The following ASIC2 variants were observed in gnomAD, a reference collection of about 807,000 sequenced individuals.
The protein encoded by ASIC2 is acid sensing ion channel subunit 2.
ASIC2 carries 25 observed loss-of-function variants against 57.3 expected under a neutral mutation model. That is an observed-to-expected ratio of 0.44 (90% CI 0.32 to 0.61). The LOEUF (loss-of-function observed/expected upper bound fraction) is 0.61. Among genes scored for constraint, ASIC2 ranks in the 20% least tolerant of loss-of-function variants. ASIC2 has a pLI of 0.06. For missense variants in ASIC2, 641 were observed against 738.1 expected, an observed-to-expected ratio of 0.87 and a Z score of 1.52; for synonymous variants, 319 against 307.5, an observed-to-expected ratio of 1.04 and a Z score of -0.39.
At chr17:33,528,871 C>T (rs1048601439) in intron 1 of ASIC2, among the ~76,000 whole-genome samples, 13 of 152,304 alleles carry the variant, frequency 8.5e-5, no homozygotes, top group African/African-American at 3.1e-4. Context: ...GAAATAGCCA[C>T]CTTGTGAATT....
At chr17:34,067,987 AC>A (rs1909235446) in intron 1 of ASIC2, among the ~76,000 whole-genome samples, 1 of 152,196 alleles carries the variant, frequency 6.6e-6, no homozygotes, top group African/African-American at 2.4e-5. Context: ...TACCACACAT[AC>A]ATCTCTATTA....
chr17:33,939,280 T>A (rs958979856), intron 1 of ASIC2, among the ~76,000 whole-genome samples: 4 of 152,232 alleles, frequency 2.6e-5, no homozygotes, highest in Non-Finnish European at 1.5e-5. Flanking sequence ...AATTGCCCTG[T>A]GCAGTAGAGA....
At chr17:33,498,840 G>A (rs574845292) in intron 1 of ASIC2, among the ~76,000 whole-genome samples, 33 of 152,308 alleles carry the variant, frequency 2.2e-4, no homozygotes, top group African/African-American at 6.7e-4. Flanking sequence ...AGAAGGTGCC[G>A]TTGGACAGGG....
At chr17:33,263,078 G>A (rs1909341407) in intron 1 of ASIC2, among the ~76,000 whole-genome samples, 1 of 152,218 alleles carries the variant, frequency 6.6e-6, no homozygotes, top group Non-Finnish European at 1.5e-5. Context: ...TGGACTGTGA[G>A]CTCCCTGAGG....
At chr17:33,877,570 C>A (rs934796900) in intron 1 of ASIC2, among the ~76,000 whole-genome samples, 6 of 152,190 alleles carry the variant, frequency 3.9e-5, no homozygotes, top group African/African-American at 1.4e-4. Context: ...GAGGGGCACC[C>A]GCCATTGCCC....
At chr17:33,450,612 T>C (rs369828273) in intron 1 of ASIC2, among the ~76,000 whole-genome samples, 1 of 152,224 alleles carries the variant, frequency 6.6e-6, no homozygotes, top group African/African-American at 2.4e-5. Context: ...GTGTACTTAA[T>C]ACTATTGAAC....
intron 1 of ASIC2, among the ~76,000 whole-genome samples, chr17:33,279,177 G>A (rs1904837228): frequency 6.6e-6 from 1 of 152,198 alleles, no homozygotes; most frequent in African/African-American, 2.4e-5. Flanking sequence ...ATAGATAAGG[G>A]TGAAGAGTGA....
chr17:33,269,537 C>G (rs112227377), intron 1 of ASIC2, among the ~76,000 whole-genome samples: 6 of 152,104 alleles, frequency 3.9e-5, no homozygotes, highest in African/African-American at 1.4e-4. Context: ...TCCCACAGGC[C>G]CCCAGGAAGC....
Position 33,322,770 on chromosome 17 carries a change from G to T in ASIC2, c.556-210703C>A, listed in dbSNP as rs201263485. On this transcript the variant is annotated intron_variant, in intron 1 of 9. Coordinates refer to the ASIC2 transcript ENST00000359872. ...AGAGCAGAGGGAGCAAAGAGAAGGA[G>T]CATCTCACCCAGGCTGGGCACGAGT... Among the ~76,000 whole-genome samples the T allele has an allele frequency of 1.2e-4, 19 of 152,180 alleles. No homozygotes were observed. In the East Asian group the frequency reaches 2.5e-3, roughly 20 times the overall value.
intron 1 of ASIC2, among the ~76,000 whole-genome samples, chr17:33,208,129 T>C (rs1164357768): frequency 6.6e-6 from 1 of 151,622 alleles, no homozygotes; most frequent in Non-Finnish European, 1.5e-5. Flanking sequence ...CTGGGGGAGG[T>C]AAAGGGAAGG....
At chr17:33,593,402 G>A (rs1326402870) in intron 1 of ASIC2, among the ~76,000 whole-genome samples, 1 of 152,110 alleles carries the variant, frequency 6.6e-6, no homozygotes, top group Non-Finnish European at 1.5e-5. Flanking sequence ...ATCTTCAAGG[G>A]CTCGCCCATC....
At chr17:33,515,970 G>A (rs578012142) in intron 1 of ASIC2, among the ~76,000 whole-genome samples, 12 of 152,176 alleles carry the variant, frequency 7.9e-5, no homozygotes, top group East Asian at 1.9e-4. Context: ...GGTGGTGTGC[G>A]CCTGTAGTCC....
chr17:33,984,258 A>T (rs1278422117), intron 1 of ASIC2: 2 of 152,126 alleles, frequency 1.3e-5, no homozygotes, highest in South Asian at 4.1e-4. Context: ...CACTTCTCTC[A>T]CTGGTCCCAG....
chr17:33,503,106 GA>G (rs1415280749), intron 1 of ASIC2, among the ~76,000 whole-genome samples: 1 of 152,144 alleles, frequency 6.6e-6, no homozygotes, highest in Non-Finnish European at 1.5e-5. Context: ...AAGGTAATTG[GA>G]AACGTCAAGG....
rs115249683 is a variant in ASIC2, at chr17:33,372,333, G to A, written c.556-260266C>T. The stretch of plus-strand genomic sequence containing the variant: ...CAGTGAAAAAGCAAGATCAGAAGGT[G>A]CTACATTGTCCTTGAGTGATCTCCT... On this transcript the variant is annotated intron_variant, in intron 1 of 9. Coordinates refer to the ASIC2 transcript ENST00000359872. 5.4e-3 allele frequency among the ~76,000 whole-genome samples: 822 copies of A among 152,196 alleles called. 3 individuals carry two copies. Among genetic ancestry groups the A allele is most frequent in the African/African-American group, 0.018 (754 of 41,520 alleles).
chr17:33,332,720 G>A (rs1345014120), intron 1 of ASIC2, among the ~76,000 whole-genome samples: 1 of 151,990 alleles, frequency 6.6e-6, no homozygotes, highest in Non-Finnish European at 1.5e-5. Flanking sequence ...GTGAAACCCC[G>A]TCTCTACTAA....
chr17:33,346,358 C>T (rs983621878), intron 1 of ASIC2, among the ~76,000 whole-genome samples: 1 of 151,442 alleles, frequency 6.6e-6, no homozygotes, highest in Non-Finnish European at 1.5e-5. Context: ...GAGGAGAGGG[C>T]AGTGAGTCAG....
At chr17:33,767,061 G>T (rs546119231) in intron 1 of ASIC2, among the ~76,000 whole-genome samples, 2 of 152,222 alleles carry the variant, frequency 1.3e-5, no homozygotes, top group African/African-American at 4.8e-5. Flanking sequence ...CATTTGTAAA[G>T]CATCTTGGTA....
intron 3 of ASIC2, among the ~76,000 whole-genome samples, chr17:33,056,935 C>A (rs116925190): frequency 0.011 from 1,730 of 152,280 alleles, 14 homozygotes; most frequent in Middle Eastern, 0.02. Flanking sequence ...GTACTTTGGT[C>A]TCTCTAGATT....
Sources: gnomAD v4.1 joint callset for allele counts (sites outside exome capture counted in the v4.1 genomes callset) on GRCh38, gnomAD v4.1.1 for gene constraint, MANE v1.5 for transcripts, NCBI Gene and HGNC (gene_info 2026-07-23, HGNC 2026-07-21) for gene names.